Variants in PRRX1 observed in about 807,000 individuals in gnomAD.
PRRX1 encodes the protein paired mesoderm homeobox protein 1.
In PRRX1, 8 loss-of-function variants were observed where a neutral mutation model predicts 24.0. The observed-to-expected ratio is 0.33, with a 90% confidence interval of 0.20 to 0.60. PRRX1 has a LOEUF of 0.60. Among genes scored for constraint, PRRX1 ranks in the 20% least tolerant of loss-of-function variants. The pLI is 0.82. For synonymous variants in PRRX1, 160 were observed against 131.7 expected, an observed-to-expected ratio of 1.22 and a Z score of -1.47; for missense variants, 281 against 322.4, an observed-to-expected ratio of 0.87 and a Z score of 0.98.
chr1:170,686,958 T>C (rs549784103), intron 1 of PRRX1, among the ~76,000 whole-genome samples: 46 of 152,070 alleles, frequency 3.0e-4, no homozygotes, highest in Non-Finnish European at 6.5e-4. Context: ...ACTGGACGCT[T>C]CTCCAGTCCC....
At chr1:170,675,255 T>A (rs958399932) in intron 1 of PRRX1, among the ~76,000 whole-genome samples, 1 of 152,202 alleles carries the variant, frequency 6.6e-6, no homozygotes, top group African/African-American at 2.4e-5. Flanking sequence ...TCCCTAGATA[T>A]GAGCACATGT....
intron 3 of PRRX1, chr1:170,727,298 C>T (rs1042252230): frequency 1.1e-4 from 17 of 152,162 alleles, no homozygotes; most frequent in African/African-American, 3.6e-4. Context: ...GAAGCTGAGA[C>T]ACAAATTCCT....
chr1:170,724,172 T>C (rs1391498781), intron 2 of PRRX1, among the ~76,000 whole-genome samples: 3 of 152,234 alleles, frequency 2.0e-5, no homozygotes, highest in Admixed American at 2.0e-4. Flanking sequence ...AAGCTCCTTG[T>C]AGATTCTGGA....
At chr1:170,672,505 T>G (rs1653176050) in intron 1 of PRRX1, among the ~76,000 whole-genome samples, 1 of 152,200 alleles carries the variant, frequency 6.6e-6, no homozygotes, top group South Asian at 2.1e-4. Flanking sequence ...ATCAGTCATG[T>G]CATTATATTT....
chr1:170,712,847 C>A (rs1422833212), intron 1 of PRRX1, among the ~76,000 whole-genome samples: 1 of 152,184 alleles, frequency 6.6e-6, no homozygotes, highest in Non-Finnish European at 1.5e-5. Flanking sequence ...CCACTTCCAA[C>A]TATGCTTCCA....
Position 170,677,318 on chromosome 1 carries a change from A to G in PRRX1, c.241+12859A>G, listed in dbSNP as rs548399032. On this transcript the variant is annotated intron_variant, in intron 1 of 3. Transcript: ENST00000239461. ...ACGCAGATTTGTTATTTGGAATAAT[A>G]AAATGATGTAAGCAAAATGCCTAGT... Among the ~76,000 whole-genome samples, 3 of 152,372 alleles carry G rather than the reference A, an allele frequency of 2.0e-5. No individual in the cohort carries two copies. The South Asian group carries it at 6.2e-4, about 32-fold the overall frequency.
intron 3 of PRRX1, among the ~76,000 whole-genome samples, chr1:170,731,580 A>G (rs1232537748): frequency 6.6e-6 from 1 of 152,202 alleles, no homozygotes; most frequent in Non-Finnish European, 1.5e-5. Context: ...AAATCGTAGT[A>G]CGAATAGTAT....
intron 1 of PRRX1, among the ~76,000 whole-genome samples, chr1:170,698,947 C>T (rs1237071258): frequency 6.6e-6 from 1 of 152,172 alleles, no homozygotes; most frequent in African/African-American, 2.4e-5. Flanking sequence ...CTTTTGGCTG[C>T]CAAGACTGTT....
intron 1 of PRRX1, among the ~76,000 whole-genome samples, chr1:170,692,232 C>T (rs1654012296): frequency 6.6e-6 from 1 of 152,048 alleles, no homozygotes; most frequent in African/African-American, 2.4e-5. Context: ...AACAATTGTC[C>T]AGGATCAGGA....
chr1:170,711,978 A>T (rs1452080642), intron 1 of PRRX1, among the ~76,000 whole-genome samples: 2 of 152,240 alleles, frequency 1.3e-5, no homozygotes, highest in African/African-American at 4.8e-5. Context: ...AGTGAGTAAT[A>T]TGACTCAACT....
chr1:170,666,587 C>T (rs1450360704), intron 1 of PRRX1, among the ~76,000 whole-genome samples: 1 of 152,062 alleles, frequency 6.6e-6, no homozygotes, highest in Non-Finnish European at 1.5e-5. Context: ...AACAGGACCA[C>T]GAAGAAACTT....
intron 1 of PRRX1, among the ~76,000 whole-genome samples, chr1:170,690,766 TG>T (rs1210249836): frequency 4.6e-5 from 7 of 152,138 alleles, no homozygotes; most frequent in Admixed American, 4.6e-4. Context: ...AGAGAGGCCC[TG>T]GAACTGTGAC....
chr1:170,676,281 G>A (rs549909729), intron 1 of PRRX1, among the ~76,000 whole-genome samples: 11 of 151,556 alleles, frequency 7.3e-5, no homozygotes, highest in South Asian at 4.2e-4. Context: ...TGGTATGATC[G>A]TTCTTACTCA....
rs1176690828 is a variant in PRRX1, at chr1:170,738,733, G to A, written c.*2547G>A. On this transcript the variant is annotated 3_prime_UTR_variant, in exon 4 of 4. Transcript: ENST00000239461. ...AGAAGGGGAAAACCTTAGATAGAGGGACATGTGAAACAAAATCATTTGAAA... is the reference window on the plus strand; with the variant it reads ...AGAAGGGGAAAACCTTAGATAGAGGAACATGTGAAACAAAATCATTTGAAA... 4.4e-6 allele frequency: 1 copy of A among 228,220 alleles called. No homozygotes were observed. The highest frequency in any genetic ancestry group is 6.3e-5 in the East Asian group (1 of 15,910). The allele number at this position is 228,220 out of a possible 1,614,324, so 14.1% of individuals were successfully genotyped here.
intron 1 of PRRX1, among the ~76,000 whole-genome samples, chr1:170,702,191 A>C (rs1270669190): frequency 6.6e-6 from 1 of 152,200 alleles, no homozygotes; most frequent in African/African-American, 2.4e-5. Flanking sequence ...GAGCTCAGGC[A>C]GTAATGCTCA....
intron 1 of PRRX1, among the ~76,000 whole-genome samples, chr1:170,687,293 A>G (rs1033890399): frequency 6.6e-6 from 1 of 152,178 alleles, no homozygotes; most frequent in African/African-American, 2.4e-5. Flanking sequence ...TTTGGTGAAC[A>G]AGCCCATTGG....
intron 3 of PRRX1, 69 bp from the exon 4 acceptor site, chr1:170,735,979 G>C: frequency 6.3e-7 from 1 of 1,595,618 alleles, no homozygotes; most frequent in Non-Finnish European, 8.6e-7. Context: ...CATCCATCTG[G>C]GGCACAGACT....
chr1:170,713,544 C>T (rs1654811792), intron 1 of PRRX1, among the ~76,000 whole-genome samples: 1 of 152,168 alleles, frequency 6.6e-6, no homozygotes, highest in African/African-American at 2.4e-5. Flanking sequence ...TAGAGTACCT[C>T]ACATTCTTGA....
At chr1:170,685,648 ATTTCTTTC>A (rs111844135) in intron 1 of PRRX1, among the ~76,000 whole-genome samples, 13 of 150,668 alleles carry the variant, frequency 8.6e-5, no homozygotes, top group South Asian at 2.1e-4. Flanking sequence ...TGCCTGCTTG[ATTTCTTTC>A]TTTCTTTCTT....
Sources: allele counts gnomAD v4.1 joint callset (sites outside exome capture counted in the v4.1 genomes callset), GRCh38; gene constraint gnomAD v4.1.1; transcripts MANE v1.5; gene names NCBI Gene and HGNC (gene_info 2026-07-23, HGNC 2026-07-21).